The following PBX1 variants were observed in gnomAD, a reference collection of about 807,000 sequenced individuals.
The protein encoded by PBX1 is pre-B-cell leukemia transcription factor 1.
Under a neutral mutation model 53.4 loss-of-function variants are expected in PBX1, and 6 were observed. That is an observed-to-expected ratio of 0.11 (90% CI 0.06 to 0.22). The LOEUF (loss-of-function observed/expected upper bound fraction) is 0.22. Ranked by LOEUF, PBX1 falls within the 10% of genes least tolerant of loss-of-function variation. The probability of loss-of-function intolerance (pLI) is 1.00; values close to 1 mark genes in which losing one functional copy is unlikely to be tolerated. For synonymous variants in PBX1, 204 were observed against 212.3 expected (o/e 0.96, Z 0.34); for missense variants, 251 against 551.4 (o/e 0.46, Z 5.46).
chr1:164,751,738 C>T (rs1361100007), intron 2 of PBX1, among the ~76,000 whole-genome samples: 8 of 151,948 alleles, frequency 5.3e-5, no homozygotes, highest in South Asian at 2.1e-4. Flanking sequence ...CCTGCCACCA[C>T]GCCTGGCTAA....
chr1:164,799,579 A>C (rs765630264), intron 3 of PBX1, 120 bp from the exon 4 acceptor site: 23 of 799,690 alleles, frequency 2.9e-5, no homozygotes, highest in Admixed American at 1.2e-4. Context: ...ACCACAAACT[A>C]TCCTAGTTTT....
intron 8 of PBX1, among the ~76,000 whole-genome samples, 182 bp downstream of exon 8, chr1:164,821,808 T>C (rs536965789): frequency 3.9e-5 from 6 of 152,296 alleles, no homozygotes; most frequent in Admixed American, 2.6e-4. Flanking sequence ...AAAGTGGCGA[T>C]TGGGCAGGCT....
intron 2 of PBX1, among the ~76,000 whole-genome samples, chr1:164,681,936 GAAGA>G (rs1421606998): frequency 2.6e-5 from 4 of 152,178 alleles, no homozygotes; most frequent in Non-Finnish European, 5.9e-5. Flanking sequence ...ACCCGGAAAT[GAAGA>G]AACATTAAAT....
intron 2 of PBX1, among the ~76,000 whole-genome samples, chr1:164,865,073 T>C (rs1393364052): frequency 1.3e-5 from 2 of 152,224 alleles, no homozygotes; most frequent in African/African-American, 4.8e-5. Context: ...CACCAATTTG[T>C]CTAGCATTTT....
intron 2 of PBX1, among the ~76,000 whole-genome samples, chr1:164,695,245 A>T (rs139570308): frequency 2.0e-5 from 3 of 152,256 alleles, no homozygotes; most frequent in East Asian, 3.9e-4. Flanking sequence ...GTGGCATTAC[A>T]GTCTGCTGAG....
intron 4 of PBX1, among the ~76,000 whole-genome samples, chr1:164,802,574 A>G (rs746655595): frequency 6.6e-6 from 1 of 152,134 alleles, no homozygotes; most frequent in Non-Finnish European, 1.5e-5. Flanking sequence ...CTGATGAGGA[A>G]CCTAATCATA....
At chr1:164,792,864 T>A (rs994496546) in intron 3 of PBX1, 126 bp downstream of exon 3, 1 of 727,720 alleles carries the variant, frequency 1.4e-6, no homozygotes, top group Non-Finnish European at 2.2e-6. Context: ...GTGCCCGGCA[T>A]CCCCTGCCCA....
chr1:164,755,196 T>G (rs574410592), intron 2 of PBX1, among the ~76,000 whole-genome samples: 201 of 152,296 alleles, frequency 1.3e-3, no homozygotes, highest in African/African-American at 4.6e-3. Flanking sequence ...TTTTCACCCT[T>G]CTTGCCCAGG....
At chr1:164,832,409 C>A (rs1670813501) in intron 8 of PBX1, among the ~76,000 whole-genome samples, 1 of 152,134 alleles carries the variant, frequency 6.6e-6, no homozygotes. Context: ...CTACCCTACA[C>A]CTTTATTGTG....
At chr1:164,804,025 G>C (rs930471564) in intron 4 of PBX1, among the ~76,000 whole-genome samples, 2 of 151,892 alleles carry the variant, frequency 1.3e-5, no homozygotes, top group African/African-American at 4.8e-5. Context: ...ACTGTTATAT[G>C]ATATATTATT....
intron 2 of PBX1, among the ~76,000 whole-genome samples, chr1:164,615,528 C>T (rs1657222783): frequency 6.6e-6 from 1 of 151,910 alleles, no homozygotes; most frequent in African/African-American, 2.4e-5. Flanking sequence ...GACAACTGCT[C>T]AAACTCTAGC....
chr1:164,773,639 G>A (rs1018380305), intron 2 of PBX1, among the ~76,000 whole-genome samples: 2 of 152,088 alleles, frequency 1.3e-5, no homozygotes, highest in Admixed American at 6.5e-5. Context: ...CTGGTAGGAC[G>A]AGCGGCCTGT....
In PBX1 at chr1:164,792,525, A is replaced by G; in HGVS notation, c.297A>G (p.Glu99=). The part of the protein sequence containing the change: ...VLSIRGAQEE[E]PTDPQLMRLD... Reference sequence around the variant, plus strand: ...GTATCCGAGGAGCCCAGGAGGAGGAACCCACAGACCCCCAGCTGATGCGGC... The same window carrying G: ...GTATCCGAGGAGCCCAGGAGGAGGAGCCCACAGACCCCCAGCTGATGCGGC... The change falls in exon 3 of 9, where the codon GAA becomes GAG. Residue 99 remains glutamate, a synonymous_variant. Coordinates refer to ENST00000420696, the MANE Select transcript of PBX1 (RefSeq NM_002585.4). 1 of 1,614,062 alleles carries G rather than the reference A, an allele frequency of 6.2e-7. No homozygotes were observed. The highest frequency in any genetic ancestry group is 8.5e-7 in the Non-Finnish European group (1 of 1,180,012).
intron 2 of PBX1, among the ~76,000 whole-genome samples, chr1:164,643,889 C>G (rs1659299283): frequency 6.6e-6 from 1 of 152,154 alleles, no homozygotes; most frequent in Non-Finnish European, 1.5e-5. Flanking sequence ...TCTGAAGACT[C>G]TTATGTAGGT....
intron 2 of PBX1, among the ~76,000 whole-genome samples, chr1:164,755,124 CAAT>C (rs1384159036): frequency 6.6e-6 from 1 of 152,136 alleles, no homozygotes; most frequent in African/African-American, 2.4e-5. Context: ...CAGAAGATTC[CAAT>C]TCATTGATCT....
At chr1:164,838,181 G>A (rs1446003410) in intron 8 of PBX1, among the ~76,000 whole-genome samples, 1 of 152,182 alleles carries the variant, frequency 6.6e-6, no homozygotes, top group East Asian at 1.9e-4. Context: ...ATTCAAGGTA[G>A]TAACTTCTAA....
intron 2 of PBX1, among the ~76,000 whole-genome samples, chr1:164,744,917 C>T (rs142549385): frequency 2.0e-5 from 3 of 152,148 alleles, no homozygotes; most frequent in African/African-American, 7.2e-5. Flanking sequence ...GGAGGGATTG[C>T]GTCTTGGTTG....
intron 2 of PBX1, among the ~76,000 whole-genome samples, chr1:164,880,130 A>C (rs1328710448): frequency 6.6e-6 from 1 of 152,138 alleles, no homozygotes; most frequent in Non-Finnish European, 1.5e-5. Flanking sequence ...TTATGTGTTG[A>C]CTTCCCTGCA....
intron 2 of PBX1, chr1:164,770,173 G>T (rs1184349028): frequency 6.6e-6 from 1 of 152,196 alleles, no homozygotes; most frequent in African/African-American, 2.4e-5. Flanking sequence ...GATATTCAAA[G>T]GCTATCTGAC....
Sources: allele counts gnomAD v4.1 joint callset (sites outside exome capture counted in the v4.1 genomes callset), GRCh38; gene constraint gnomAD v4.1.1; transcripts MANE v1.5; gene names NCBI Gene and HGNC (gene_info 2026-07-23, HGNC 2026-07-21).